The following DDX43 variants were observed in gnomAD, a reference collection of about 807,000 sequenced individuals.
DDX43 encodes DEAD-box helicase 43.
DDX43 carries 50 observed loss-of-function variants against 84.9 expected under a neutral mutation model. The observed-to-expected ratio is 0.59, with a 90% CI of 0.47 to 0.75. DDX43 has a LOEUF of 0.75. Among genes scored for constraint, DDX43 ranks in the 30% least tolerant of loss-of-function variants. The probability of loss-of-function intolerance (pLI) is 0.00; values close to 1 mark genes in which losing one functional copy is unlikely to be tolerated. For missense variants in DDX43, 689 were observed against 798.6 expected (o/e 0.86, Z 1.65); for synonymous variants, 291 against 266.3 (o/e 1.09, Z -0.90).
chr6:73,405,282 G>A (rs892825979), intron 5 of DDX43, among the ~76,000 whole-genome samples: 3 of 152,168 alleles, frequency 2.0e-5, no homozygotes, highest in Admixed American at 1.3e-4. Context: ...GTAACTTACT[G>A]TATGATCACC....
intron 10 of DDX43, 73 bp downstream of exon 10, chr6:73,409,421 C>T: frequency 2.4e-6 from 3 of 1,244,650 alleles, no homozygotes; most frequent in Non-Finnish European, 2.3e-6. Flanking sequence ...TTGGATTTTC[C>T]CACAATATTT....
chr6:73,401,869 C>G lies in DDX43; in HGVS notation c.447C>G (p.Phe149Leu), dbSNP rs751006398. 6.2e-7 allele frequency: 1 copy of G among 1,612,658 alleles called. No homozygotes were observed. Among genetic ancestry groups the G allele is most frequent in the Non-Finnish European group, 8.5e-7 (1 of 1,179,386 alleles). The change falls in exon 4 of 17, where the codon TTC (phenylalanine) becomes TTG (leucine). Residue 149 changes from phenylalanine to leucine, a missense_variant. Phe to Leu is a conservative substitution (Grantham distance 22, BLOSUM62 0). Transcript: ENST00000370336. The part of the protein sequence containing the change: ...YNSECGIDTA[F>L]QPSVGKDGST... Reference sequence around the variant, plus strand: ...AAATGTTTTTAACAGATACTGCATTCCAACCTTCTGTTGGAAAAGATGGAA... The same window carrying G: ...AAATGTTTTTAACAGATACTGCATTGCAACCTTCTGTTGGAAAAGATGGAA...
intron 10 of DDX43, among the ~76,000 whole-genome samples, chr6:73,410,502 A>G (rs1320738186): frequency 1.3e-5 from 2 of 152,136 alleles, no homozygotes; most frequent in African/African-American, 2.4e-5. Flanking sequence ...ATTACTGTGA[A>G]GGTATACAAA....
At chr6:73,413,892 T>G in intron 12 of DDX43, 78 bp from the exon 13 acceptor site, 1 of 1,522,756 alleles carries the variant, frequency 6.6e-7, no homozygotes, top group South Asian at 1.2e-5. Context: ...TATGTTACTT[T>G]AGATTTTTGC....
chr6:73,407,931 C>T (rs1235260537), intron 8 of DDX43, 29 bp from the exon 9 acceptor site: 2 of 1,596,770 alleles, frequency 1.3e-6, no homozygotes, highest in South Asian at 2.2e-5. Context: ...TGTGCCTAAA[C>T]ATTAACCTTT....
At chr6:73,407,415 G>A in intron 7 of DDX43, 90 bp from the exon 8 acceptor site, 1 of 912,454 alleles carries the variant, frequency 1.1e-6, no homozygotes, top group Non-Finnish European at 1.8e-6. Context: ...CACCACGTCT[G>A]GCTTGTTGCT....
intron 1 of DDX43, 38 bp from the exon 2 acceptor site, chr6:73,397,651 C>A: frequency 6.5e-7 from 1 of 1,530,106 alleles, no homozygotes; most frequent in Non-Finnish European, 9.0e-7. Context: ...TTACTAATTT[C>A]AACTTATAAC....
intron 9 of DDX43, among the ~76,000 whole-genome samples, chr6:73,408,510 C>G (rs1484036756): frequency 6.6e-6 from 1 of 152,060 alleles, no homozygotes; most frequent in Non-Finnish European, 1.5e-5. Context: ...AATCAACTCC[C>G]AAGTGCTTGG....
chr6:73,413,628 T>A, intron 11 of DDX43, 30 bp from the exon 12 acceptor site: 8 of 1,606,588 alleles, frequency 5.0e-6, no homozygotes, highest in Non-Finnish European at 6.8e-6. Flanking sequence ...CATGATGACC[T>A]TGATGAACTA....
chr6:73,405,880 G>A (rs376875076), intron 6 of DDX43, 45 bp downstream of exon 6: 121 of 1,559,256 alleles, frequency 7.8e-5, no homozygotes, highest in Non-Finnish European at 1.0e-4. Flanking sequence ...GTTTTTCTTC[G>A]AAACCAGTGA....
At chr6:73,412,422 G>A in intron 11 of DDX43, 130 bp downstream of exon 11, 1 of 658,428 alleles carries the variant, frequency 1.5e-6, no homozygotes, top group Admixed American at 2.9e-5. Context: ...TTTTAATAGA[G>A]CTGTAATACG....
chr6:73,409,182 G>T (rs1389045340), intron 9 of DDX43, 66 bp from the exon 10 acceptor site: 3 of 1,173,188 alleles, frequency 2.6e-6, no homozygotes, highest in African/African-American at 1.5e-5. Context: ...TACTAATAAA[G>T]AAAGCATATG....
chr6:73,405,960 CA>C, intron 6 of DDX43, 125 bp downstream of exon 6: 1 of 825,544 alleles, frequency 1.2e-6, no homozygotes, highest in Non-Finnish European at 1.7e-6. Context: ...CCCTAGAGTT[CA>C]AAAAATCTTT....
chr6:73,397,668 T>A (rs1487758747), intron 1 of DDX43, 21 bp from the exon 2 acceptor site: 1 of 1,577,410 alleles, frequency 6.3e-7, no homozygotes, highest in Non-Finnish European at 8.7e-7. Context: ...TAACAATATA[T>A]TCCTTTATTT....
Position 73,407,497 on chromosome 6 carries a change from C to T in DDX43, c.927-8C>T, listed in dbSNP as rs777027435. 1.9e-6 allele frequency: 3 copies of T among 1,575,806 alleles called. No individual in the cohort carries two copies. Among genetic ancestry groups the T allele is most frequent in the Non-Finnish European group, 2.6e-6 (3 of 1,147,992 alleles). ...GTAATTTAATATTAATCTGTTTTCT[C>T]TCCAAAGCCTTAAAGGTCAAAGGAA... On this transcript the variant is annotated splice_region_variant and splice_polypyrimidine_tract_variant and intron_variant, in intron 7 of 16. Transcript: ENST00000370336.
chr6:73,404,587 G>A (rs918442445), intron 4 of DDX43, 103 bp from the exon 5 acceptor site: 8 of 885,084 alleles, frequency 9.0e-6, no homozygotes, highest in African/African-American at 3.4e-5. Context: ...CAAATGGTAT[G>A]CATGGTAAAT....
Position 73,394,989 on chromosome 6 carries a change from G to C in DDX43, c.84G>C (p.Glu28Asp), listed in dbSNP as rs1236984053. 6 of 1,614,164 alleles carry C rather than the reference G, an allele frequency of 3.7e-6. No homozygotes were observed. Among genetic ancestry groups the C allele is most frequent in the Non-Finnish European group, 5.1e-6 (6 of 1,180,056 alleles). The change falls in exon 1 of 17, where the codon GAG (glutamate) becomes GAC (aspartate). Residue 28 changes from glutamate (E) to aspartate (D), a missense_variant. Glu to Asp is a conservative substitution (Grantham distance 45). Coordinates refer to ENST00000370336, the MANE Select transcript of DDX43 (RefSeq NM_018665.3). ...RRSSTVSRAP[E>D]RRPAEELNRT... ...GCTCGACAGTGTCCCGAGCGCCAGA[G>C]AGGAGGCCGGCGGAGGAGTTGAATC...
At chr6:73,413,928 A>C (rs777320144) in intron 12 of DDX43, 42 bp from the exon 13 acceptor site, 1 of 1,539,022 alleles carries the variant, frequency 6.5e-7, no homozygotes, top group Admixed American at 1.8e-5. Context: ...TGGTGGCATT[A>C]GAATAAGCAC....
At chr6:73,395,230 C>G (rs1466587251) in intron 1 of DDX43, 75 bp downstream of exon 1, 1 of 1,487,182 alleles carries the variant, frequency 6.7e-7, no homozygotes, top group Non-Finnish European at 9.0e-7. Context: ...ATTTCCTCCC[C>G]ACTGCCTCAC....
Sources: gnomAD v4.1 joint callset for allele counts (sites outside exome capture counted in the v4.1 genomes callset) on GRCh38, gnomAD v4.1.1 for gene constraint, MANE v1.5 for transcripts, NCBI Gene and HGNC (gene_info 2026-07-23, HGNC 2026-07-21) for gene names.